Variants in CCDC38 observed in about 807,000 individuals in gnomAD.
CCDC38 encodes the protein coiled-coil domain containing 38.
CCDC38 carries 69 observed loss-of-function variants against 72.8 expected under a neutral mutation model. The ratio of observed to expected loss-of-function variants is 0.95; its 90% CI spans 0.78 to 1.16. CCDC38 has a LOEUF of 1.16. Ranked by LOEUF, CCDC38 falls within the 50% of genes most tolerant of loss-of-function variation. CCDC38 has a pLI of 0.00. For synonymous variants in CCDC38, 201 were observed against 213.2 expected, an observed-to-expected ratio of 0.94 and a Z score of 0.50; for missense variants, 626 against 638.9, an observed-to-expected ratio of 0.98 and a Z score of 0.22.
intron 7 of CCDC38, among the ~76,000 whole-genome samples, chr12:95,895,406 A>AGTAATACTACAG (rs1177089530): frequency 8.2e-6 from 1 of 122,276 alleles, no homozygotes; most frequent in African/African-American, 3.7e-5. Context: ...CGACTTGTTT[A>AGTAATACTACAG]TTATTCTGTA....
intron 8 of CCDC38, among the ~76,000 whole-genome samples, chr12:95,893,762 T>G (rs886294830): frequency 6.6e-6 from 1 of 152,062 alleles, no homozygotes; most frequent in Non-Finnish European, 1.5e-5. Context: ...ATTACAGACA[T>G]GAGCCACCAT....
At chr12:95,924,772 C>A (rs1490491727) in intron 2 of CCDC38, among the ~76,000 whole-genome samples, 9 of 148,674 alleles carry the variant, frequency 6.1e-5, no homozygotes, top group Non-Finnish European at 1.2e-4. Flanking sequence ...AGCCAGTTTT[C>A]CCAGCACCAT....
intron 13 of CCDC38, among the ~76,000 whole-genome samples, chr12:95,875,734 A>G (rs2079628784): frequency 6.6e-6 from 1 of 152,160 alleles, no homozygotes; most frequent in Non-Finnish European, 1.5e-5. Context: ...ACTATGGATT[A>G]TTAGTCCCAT....
intron 13 of CCDC38, among the ~76,000 whole-genome samples, chr12:95,876,850 C>T (rs1592755151): frequency 1.3e-5 from 2 of 152,094 alleles, no homozygotes; most frequent in Non-Finnish European, 2.9e-5. Context: ...TTGTGGCAGG[C>T]CAGGTCTCAC....
At chr12:95,915,177 C>T (rs1279538073) in intron 4 of CCDC38, among the ~76,000 whole-genome samples, 3 of 152,224 alleles carry the variant, frequency 2.0e-5, no homozygotes, top group East Asian at 1.9e-4. Flanking sequence ...TAAGTAGACT[C>T]GTTATAGTGA....
At chr12:95,877,958 A>G (rs1388770976) in intron 13 of CCDC38, among the ~76,000 whole-genome samples, 1 of 152,254 alleles carries the variant, frequency 6.6e-6, no homozygotes, top group Non-Finnish European at 1.5e-5. Context: ...TCGAGGGGAA[A>G]CTATGGTCAA....
intron 10 of CCDC38, chr12:95,885,109 C>G (rs140634736): frequency 6.6e-6 from 1 of 152,456 alleles, no homozygotes; most frequent in Non-Finnish European, 1.5e-5. Context: ...TCCCTGACCT[C>G]GAGACTAATA....
rs550123153 is a variant in CCDC38, at chr12:95,906,402, G to T, written c.354C>A (p.Asp118Glu). The T allele has an allele frequency of 2.5e-6, 4 of 1,612,510 alleles. No homozygotes were observed. In the African/African-American group the frequency reaches 5.3e-5, roughly 22 times the overall value. ...TVHEFINDQR[D>E]RFLLEYALST... is the part of the protein sequence containing the mutation. The stretch of plus-strand genomic sequence containing the variant: ...TTTTTACTACCTCGAGCAGAAACCT[G>T]TCTCTCTGGTCATTAATAAATTCAT... The change falls in exon 5 of 16, where the codon GAC becomes GAA. Residue 118 changes from aspartate (D) to glutamate (E), a missense_variant. Transcript: ENST00000344280.
intron 15 of CCDC38, among the ~76,000 whole-genome samples, chr12:95,867,797 A>T (rs981911566): frequency 5.9e-5 from 9 of 151,964 alleles, no homozygotes; most frequent in Non-Finnish European, 1.2e-4. Context: ...TCCACTTTTT[A>T]TTTTGTTTTG....
chr12:95,897,743 A>G (rs1197171168), intron 7 of CCDC38, among the ~76,000 whole-genome samples: 6 of 151,190 alleles, frequency 4.0e-5, no homozygotes, highest in African/African-American at 9.7e-5. Context: ...TTTTCTCTTT[A>G]TAGATCTTAG....
intron 4 of CCDC38, among the ~76,000 whole-genome samples, chr12:95,916,297 T>A (rs780423809): frequency 6.6e-5 from 10 of 151,350 alleles, no homozygotes; most frequent in African/African-American, 1.4e-4. Flanking sequence ...GTGGTTTGCT[T>A]GTTCTCTGAA....
chr12:95,896,860 A>G (rs2079894646), intron 7 of CCDC38, among the ~76,000 whole-genome samples: 1 of 152,236 alleles, frequency 6.6e-6, no homozygotes, highest in Non-Finnish European at 1.5e-5. Context: ...AGTTATCTTC[A>G]GCAAGACCAT....
chr12:95,895,138 G>T lies in CCDC38; in HGVS notation c.623C>A (p.Ala208Glu). The T allele has an allele frequency of 6.2e-7, 1 of 1,603,778 alleles. No homozygotes were observed. Among genetic ancestry groups the T allele is most frequent in the Non-Finnish European group, 8.5e-7 (1 of 1,176,712 alleles). Residue 208 changes from alanine to glutamate, a missense_variant, in exon 8 of 16, where the codon GCA becomes GAA. Coordinates refer to ENST00000344280, the MANE Select transcript of CCDC38 (RefSeq NM_182496.3). Reference sequence around the variant, plus strand: ...CTCCCTGAGGAGGAATTCTGTTTTTGCTATTTCACTACTCAAAAGAAACAA... The same window carrying T: ...CTCCCTGAGGAGGAATTCTGTTTTTTCTATTTCACTACTCAAAAGAAACAA... ...MEVQAVKSEI[A>E]KTEFLLREYM... is the part of the protein sequence containing the mutation.
In CCDC38 at chr12:95,872,319, C is replaced by T. The variant is rs771521123; in HGVS notation, c.1420G>A (p.Glu474Lys). The change falls in exon 14 of 16, where the codon GAA (glutamate) becomes AAA (lysine). Residue 474 changes from glutamate to lysine, a missense_variant. Transcript: ENST00000344280. ...SRLVELCDLI[E>K]SIPKENVEAI... is the part of the protein sequence containing the mutation. ...TCCACATTTTCTTTGGGAATGGATT[C>T]GATGAGGTCACACAGTTCTACCAGG... is the stretch of plus-strand genomic sequence containing the variant. 6.2e-6 allele frequency: 10 copies of T among 1,614,152 alleles called. No homozygotes were observed. The East Asian group carries it at 1.1e-4, about 18-fold the overall frequency.
intron 1 of CCDC38, among the ~76,000 whole-genome samples, chr12:95,939,377 C>G (rs2080426215): frequency 6.6e-6 from 1 of 152,176 alleles, no homozygotes; most frequent in Admixed American, 6.5e-5. Flanking sequence ...ATGAATCACT[C>G]TGATGCTGAG....
At chr12:95,908,333 GCGCCTGCAAT>G (rs1251063597) in intron 4 of CCDC38, among the ~76,000 whole-genome samples, 1 of 149,802 alleles carries the variant, frequency 6.7e-6, no homozygotes, top group African/African-American at 2.5e-5. Flanking sequence ...GTGGCGGCGC[GCGCCTGCAAT>G]CGCAGGCACT....
At chr12:95,933,862 A>G (rs565855193) in intron 2 of CCDC38, 27 of 152,310 alleles carry the variant, frequency 1.8e-4, no homozygotes, top group African/African-American at 6.5e-4. Flanking sequence ...TCTAAACCAT[A>G]CAACAGTATG....
At chr12:95,905,665 C>T (rs2121490422) in intron 5 of CCDC38, among the ~76,000 whole-genome samples, 1 of 152,296 alleles carries the variant, frequency 6.6e-6, no homozygotes, top group Non-Finnish European at 1.5e-5. Flanking sequence ...AATTGAGACA[C>T]ATCAACATCT....
chr12:95,895,084 T>C lies in CCDC38; in HGVS notation c.677A>G (p.Gln226Arg), dbSNP rs761615442. ...EYMKYGFFLL[Q>R]MSPKHWQIQQ... ...GATTTGCCAATGTTTTGGAGACATTTGCAGCAGAAAAAAACCATATTTCAT... is the reference window on the plus strand; with the variant it reads ...GATTTGCCAATGTTTTGGAGACATTCGCAGCAGAAAAAAACCATATTTCAT... The change falls in exon 8 of 16, where the codon CAA (glutamine) becomes CGA (arginine). Residue 226 changes from glutamine to arginine, a missense_variant. By Grantham distance (43) the Gln-to-Arg change is conservative (BLOSUM62 1). Coordinates refer to ENST00000344280, the MANE Select transcript of CCDC38 (RefSeq NM_182496.3). 14 of 1,612,662 alleles carry C rather than the reference T, an allele frequency of 8.7e-6. No homozygotes were observed. The highest frequency in any genetic ancestry group is 1.3e-5 in the African/African-American group (1 of 74,846).
Sources: allele counts gnomAD v4.1 joint callset (sites outside exome capture counted in the v4.1 genomes callset), GRCh38; gene constraint gnomAD v4.1.1; transcripts MANE v1.5; gene names NCBI Gene and HGNC (gene_info 2026-07-23, HGNC 2026-07-21).